The following DSCAM variants were observed in gnomAD, a reference collection of about 807,000 sequenced individuals.
DSCAM encodes the protein cell adhesion molecule DSCAM.
A neutral mutation model predicts 217.7 loss-of-function variants in DSCAM; 47 were observed. The ratio of observed to expected loss-of-function variants is 0.22; its 90% CI spans 0.17 to 0.28. The LOEUF is 0.28. Ranked by LOEUF, DSCAM falls within the 10% of genes least tolerant of loss-of-function variation. The pLI is 1.00. For missense variants in DSCAM, 2,080 were observed against 2,618.3 expected (o/e 0.79, Z 4.49); for synonymous variants, 1,056 against 1,015.3 (o/e 1.04, Z -0.76).
intron 3 of DSCAM, among the ~76,000 whole-genome samples, chr21:40,611,914 G>A (rs1254891986): frequency 1.3e-5 from 2 of 152,218 alleles, no homozygotes; most frequent in Non-Finnish European, 2.9e-5. Flanking sequence ...CAGAGACTTG[G>A]AAGATAGCTT....
At chr21:40,046,422 A>ATT (rs5843995) in intron 30 of DSCAM, among the ~76,000 whole-genome samples, 9 of 151,662 alleles carry the variant, frequency 5.9e-5, no homozygotes, top group Admixed American at 4.6e-4. Flanking sequence ...ACTTCATTAG[A>ATT]TTTTTTTTGT....
At chr21:40,744,045 CTG>C (rs1479698120) in intron 1 of DSCAM, among the ~76,000 whole-genome samples, 1 of 152,210 alleles carries the variant, frequency 6.6e-6, no homozygotes, top group East Asian at 1.9e-4. Flanking sequence ...TCATTTCAGA[CTG>C]TGCCACTCTC....
At chr21:40,632,106 G>A (rs1568950246) in intron 3 of DSCAM, among the ~76,000 whole-genome samples, 2 of 152,166 alleles carry the variant, frequency 1.3e-5, no homozygotes, top group Admixed American at 1.3e-4. Flanking sequence ...CCTGGGCATG[G>A]GGCCTCCAAA....
At chr21:40,223,222 TC>T (rs948287995) in intron 11 of DSCAM, among the ~76,000 whole-genome samples, 23 of 151,736 alleles carry the variant, frequency 1.5e-4, no homozygotes, top group Non-Finnish European at 2.5e-4. Context: ...TTTGAGGAGG[TC>T]CCCAGGCTGC....
At chr21:40,584,279 T>C (rs2076927298) in intron 3 of DSCAM, among the ~76,000 whole-genome samples, 1 of 152,076 alleles carries the variant, frequency 6.6e-6, no homozygotes, top group Non-Finnish European at 1.5e-5. Flanking sequence ...TACCTCATGG[T>C]AGAAGTAACC....
intron 32 of DSCAM, among the ~76,000 whole-genome samples, chr21:40,038,066 A>G (rs1480993916): frequency 2.0e-5 from 3 of 151,596 alleles, no homozygotes; most frequent in Admixed American, 6.6e-5. Context: ...TAAAAACCCT[A>G]GAAGAAAACC....
chr21:40,536,557 A>G (rs1286632245), intron 3 of DSCAM, among the ~76,000 whole-genome samples: 2 of 151,704 alleles, frequency 1.3e-5, no homozygotes, highest in African/African-American at 2.4e-5. Flanking sequence ...GCCCACCACC[A>G]CGCCTGGCTA....
intron 1 of DSCAM, among the ~76,000 whole-genome samples, chr21:40,764,068 T>G (rs777359663): frequency 3.9e-5 from 6 of 152,076 alleles, no homozygotes; most frequent in Non-Finnish European, 7.4e-5. Context: ...CCAAAAGCAA[T>G]GGCAACAAAA....
At chr21:40,478,090 A>C (rs906211509) in intron 3 of DSCAM, among the ~76,000 whole-genome samples, 1 of 152,194 alleles carries the variant, frequency 6.6e-6, no homozygotes. Flanking sequence ...AGTTTATGTA[A>C]ATAGAACCAC....
At chr21:40,044,029 G>A (rs372363881) in intron 31 of DSCAM, 49 bp downstream of exon 31, 53 of 1,596,774 alleles carry the variant, frequency 3.3e-5, no homozygotes, top group African/African-American at 1.2e-4. Context: ...CTCAAGGTGC[G>A]GGGGCCGTGC....
intron 11 of DSCAM, among the ~76,000 whole-genome samples, chr21:40,248,257 T>A (rs1198031298): frequency 1.3e-5 from 2 of 152,226 alleles, no homozygotes; most frequent in African/African-American, 4.8e-5. Context: ...TCCTTGTTAC[T>A]TATGCAAATT....
chr21:40,364,741 T>C (rs12627120), intron 4 of DSCAM, among the ~76,000 whole-genome samples: 20 of 144,970 alleles, frequency 1.4e-4, no homozygotes, highest in Non-Finnish European at 2.2e-4. Flanking sequence ...TATATATATA[T>C]ACACACACTA....
intron 30 of DSCAM, among the ~76,000 whole-genome samples, chr21:40,047,039 A>C (rs1434867141): frequency 1.3e-5 from 2 of 151,990 alleles, no homozygotes; most frequent in Admixed American, 6.6e-5. Context: ...AGATGAGGAC[A>C]GTTTTACTGG....
intron 1 of DSCAM, among the ~76,000 whole-genome samples, chr21:40,759,727 T>C (rs1205256626): frequency 3.9e-5 from 6 of 152,010 alleles, no homozygotes; most frequent in African/African-American, 1.4e-4. Flanking sequence ...CAGCTCCCCA[T>C]CCCTCCTGCC....
At chr21:40,190,875 G>A (rs1349143188) in intron 11 of DSCAM, among the ~76,000 whole-genome samples, 1 of 152,174 alleles carries the variant, frequency 6.6e-6, no homozygotes, top group Non-Finnish European at 1.5e-5. Context: ...GATACAGACT[G>A]CAAAATAACT....
At chr21:40,391,716 T>C (rs908396970) in intron 3 of DSCAM, among the ~76,000 whole-genome samples, 5 of 152,210 alleles carry the variant, frequency 3.3e-5, no homozygotes, top group African/African-American at 1.2e-4. Context: ...ACTCAATACA[T>C]ACTTGCTCAC....
chr21:40,204,624 G>C (rs957121878), intron 11 of DSCAM, among the ~76,000 whole-genome samples: 1 of 152,154 alleles, frequency 6.6e-6, no homozygotes, highest in African/African-American at 2.4e-5. Context: ...CAATGGTTTT[G>C]CAGATAGAAA....
intron 1 of DSCAM, among the ~76,000 whole-genome samples, chr21:40,810,376 G>T (rs1398581528): frequency 6.6e-6 from 1 of 152,224 alleles, no homozygotes; most frequent in African/African-American, 2.4e-5. Context: ...GGGGAGAGAA[G>T]TCATGTAAAA....
chr21:40,473,781 A>C (rs1569138082), intron 3 of DSCAM, among the ~76,000 whole-genome samples: 1 of 152,136 alleles, frequency 6.6e-6, no homozygotes, highest in African/African-American at 2.4e-5. Context: ...TCATTGGAAG[A>C]GGTGGAAGTG....
Sources: allele counts gnomAD v4.1 joint callset (sites outside exome capture counted in the v4.1 genomes callset), GRCh38; gene constraint gnomAD v4.1.1; transcripts MANE v1.5; gene names NCBI Gene and HGNC (gene_info 2026-07-23, HGNC 2026-07-21).